The following CUL3 variants were observed in gnomAD, a reference collection of about 807,000 sequenced individuals.
CUL3 encodes the protein cullin 3.
CUL3 carries 19 observed loss-of-function variants against 89.1 expected under a neutral mutation model. The ratio of observed to expected loss-of-function variants is 0.21; its 90% CI spans 0.15 to 0.31. CUL3 has a LOEUF of 0.31. Among genes scored for constraint, CUL3 ranks in the 10% least tolerant of loss-of-function variants. The probability of loss-of-function intolerance (pLI) is 1.00; values close to 1 mark genes in which losing one functional copy is unlikely to be tolerated. For missense variants in CUL3, 469 were observed against 942.3 expected (o/e 0.50, Z 6.58); for synonymous variants, 351 against 308.4 (o/e 1.14, Z -1.45).
Position 224,507,036 on chromosome 2 carries a change from A to T in CUL3, c.884-33T>A, listed in dbSNP as rs762549059. On this transcript the variant is annotated intron_variant, in intron 6 of 15. Coordinates refer to ENST00000264414, the MANE Select transcript of CUL3 (RefSeq NM_003590.5). ...TCAGAAAACACAAATTGGCTACATT[A>T]AAGATTAAAGAAAAAAACACGAATC... is the stretch of plus-strand genomic sequence containing the variant. The T allele has an allele frequency of 3.1e-6, 5 of 1,592,398 alleles. No homozygotes were observed. In the African/African-American group the frequency reaches 6.8e-5, roughly 22 times the overall value.
At chr2:224,487,618 T>C (rs1163769028) in intron 13 of CUL3, among the ~76,000 whole-genome samples, 1 of 151,880 alleles carries the variant, frequency 6.6e-6, no homozygotes, top group South Asian at 2.1e-4. Flanking sequence ...ATTCATAAAG[T>C]CTCTACAAAG....
chr2:224,581,619 T>C (rs1410646895), intron 1 of CUL3, among the ~76,000 whole-genome samples: 2 of 151,110 alleles, frequency 1.3e-5, no homozygotes, highest in Admixed American at 6.6e-5. Flanking sequence ...TCTCGTGCCT[T>C]AGCCTCCCGA....
chr2:224,556,971 C>T (rs1318995866), intron 2 of CUL3, among the ~76,000 whole-genome samples: 1 of 151,786 alleles, frequency 6.6e-6, no homozygotes, highest in Non-Finnish European at 1.5e-5. Context: ...AAAATAAATA[C>T]CCCAATACCA....
At chr2:224,526,278 CT>C (rs1484128209) in intron 3 of CUL3, among the ~76,000 whole-genome samples, 1 of 152,156 alleles carries the variant, frequency 6.6e-6, no homozygotes, top group Non-Finnish European at 1.5e-5. Flanking sequence ...ATTCCCTTTA[CT>C]CTATCAAGAT....
At chr2:224,499,473 T>C in intron 11 of CUL3, 1 of 239,718 alleles carries the variant, frequency 4.2e-6, no homozygotes, top group Admixed American at 4.1e-5. Context: ...TACAGTTTCT[T>C]CCCAGTTGTT....
At chr2:224,474,885 T>A (rs1189249107) in intron 15 of CUL3, among the ~76,000 whole-genome samples, 1 of 152,224 alleles carries the variant, frequency 6.6e-6, no homozygotes, top group East Asian at 1.9e-4. Flanking sequence ...TAAGTGCTTC[T>A]GTTGGTTTTT....
At chr2:224,580,833 T>G (rs1163389377) in intron 1 of CUL3, among the ~76,000 whole-genome samples, 1 of 152,122 alleles carries the variant, frequency 6.6e-6, no homozygotes, top group Non-Finnish European at 1.5e-5. Context: ...CAATTCTATA[T>G]TTTTTTACAA....
chr2:224,534,625 A>C (rs1559186789), intron 3 of CUL3, among the ~76,000 whole-genome samples: 1 of 152,136 alleles, frequency 6.6e-6, no homozygotes, highest in Non-Finnish European at 1.5e-5. Context: ...TACTAAGAAA[A>C]AAATTAAATC....
chr2:224,471,777 T>A lies in CUL3; in HGVS notation c.*2468A>T, dbSNP rs1262029926. 4.4e-6 allele frequency: 1 copy of A among 227,208 alleles called. No homozygotes were observed. Among genetic ancestry groups the A allele is most frequent in the African/African-American group, 2.2e-5 (1 of 45,020 alleles). 14.1% of individuals were successfully genotyped at this position (227,208 alleles called of 1,614,324 possible). ...ATTCAAAATAAACACTGTCCTGGAC[T>A]TGATAATGAAGGCAGAGAATTACAC... On this transcript the variant is annotated 3_prime_UTR_variant, in exon 16 of 16. Transcript: ENST00000264414.
intron 2 of CUL3, among the ~76,000 whole-genome samples, chr2:224,550,683 G>A (rs1271443421): frequency 6.6e-6 from 1 of 152,098 alleles, no homozygotes; most frequent in Non-Finnish European, 1.5e-5. Flanking sequence ...CAAACAATCT[G>A]CTAGCAGGTA....
At chr2:224,505,790 G>A in intron 8 of CUL3, 166 bp downstream of exon 8, 1 of 387,180 alleles carries the variant, frequency 2.6e-6, no homozygotes, top group Non-Finnish European at 4.5e-6. Context: ...AACTACGTTT[G>A]GGCATGTCAA....
intron 3 of CUL3, among the ~76,000 whole-genome samples, chr2:224,531,014 G>C (rs1693677896): frequency 6.6e-6 from 1 of 151,442 alleles, no homozygotes. Flanking sequence ...AGTAAATGAA[G>C]GATATGAAAA....
At chr2:224,544,543 T>C (rs1459046919) in intron 2 of CUL3, among the ~76,000 whole-genome samples, 1 of 151,938 alleles carries the variant, frequency 6.6e-6, no homozygotes, top group African/African-American at 2.4e-5. Flanking sequence ...AAAATAAAAA[T>C]AGCATTTAAA....
At chr2:224,549,109 G>A (rs2106288876) in intron 2 of CUL3, among the ~76,000 whole-genome samples, 1 of 152,152 alleles carries the variant, frequency 6.6e-6, no homozygotes, top group East Asian at 1.9e-4. Context: ...ATGCTACTAG[G>A]AGTTCAAAAC....
intron 12 of CUL3, among the ~76,000 whole-genome samples, chr2:224,496,636 G>C (rs1692180010): frequency 6.6e-6 from 1 of 151,942 alleles, no homozygotes; most frequent in Non-Finnish European, 1.5e-5. Flanking sequence ...AAAAGTAACA[G>C]GATTAGGTTT....
At chr2:224,564,360 G>A (rs1164196071) in intron 1 of CUL3, among the ~76,000 whole-genome samples, 6 of 152,094 alleles carry the variant, frequency 3.9e-5, no homozygotes, top group South Asian at 2.1e-4. Context: ...TTTTGCTGTC[G>A]CAACTCAAAA....
intron 3 of CUL3, among the ~76,000 whole-genome samples, chr2:224,535,066 T>G (rs1378997304): frequency 6.7e-6 from 1 of 149,938 alleles, no homozygotes; most frequent in East Asian, 1.9e-4. Context: ...ATAAAGATTT[T>G]TATTCACATA....
Position 224,471,967 on chromosome 2 carries a change from A to T in CUL3, c.*2278T>A, listed in dbSNP as rs1691146941. 4.3e-6 allele frequency: 1 copy of T among 231,142 alleles called. No homozygotes were observed. The highest frequency in any genetic ancestry group is 1.8e-4 in the South Asian group (1 of 5,514). 14.3% of individuals were successfully genotyped at this position (231,142 alleles called of 1,614,324 possible). ...ATTAAAGCATTAAAAACTGAGAAAAAATAGCATCTGTGACCTCTTGCTAAA... is the reference window on the plus strand; with the variant it reads ...ATTAAAGCATTAAAAACTGAGAAAATATAGCATCTGTGACCTCTTGCTAAA... On this transcript the variant is annotated 3_prime_UTR_variant, in exon 16 of 16. Coordinates refer to ENST00000264414, the MANE Select transcript of CUL3 (RefSeq NM_003590.5).
intron 1 of CUL3, among the ~76,000 whole-genome samples, chr2:224,570,281 A>T (rs1046601367): frequency 3.9e-5 from 6 of 152,202 alleles, no homozygotes; most frequent in Admixed American, 1.3e-4. Flanking sequence ...AGCAACATCA[A>T]CCATCAAAAA....
Sources: gnomAD v4.1 joint callset for allele counts (sites outside exome capture counted in the v4.1 genomes callset) on GRCh38, gnomAD v4.1.1 for gene constraint, MANE v1.5 for transcripts, NCBI Gene and HGNC (gene_info 2026-07-23, HGNC 2026-07-21) for gene names.